Variants in SLC30A9 observed in about 807,000 individuals in gnomAD.
SLC30A9 encodes proton-coupled zinc antiporter SLC30A9, mitochondrial.
Under a neutral mutation model 87.5 loss-of-function variants are expected in SLC30A9, and 58 were observed. The observed-to-expected ratio is 0.66, with a 90% CI of 0.54 to 0.82. The LOEUF is 0.82. Among genes scored for constraint, SLC30A9 ranks in the 40% least tolerant of loss-of-function variants. The pLI is 0.00. For missense variants in SLC30A9, 557 were observed against 679.1 expected (o/e 0.82, Z 2.00); for synonymous variants, 234 against 233.0 (o/e 1.00, Z -0.04).
chr4:42,041,719 A>G (rs890203731), intron 8 of SLC30A9, among the ~76,000 whole-genome samples: 1 of 152,188 alleles, frequency 6.6e-6, no homozygotes, highest in African/African-American at 2.4e-5. Flanking sequence ...GTGGGCAAGA[A>G]CAAGACCCTG....
intron 17 of SLC30A9, among the ~76,000 whole-genome samples, chr4:42,079,896 G>T (rs546825154): frequency 6.6e-6 from 1 of 152,168 alleles, no homozygotes; most frequent in Non-Finnish European, 1.5e-5. Context: ...GATTACAAGC[G>T]TGAGCCACCA....
rs542861235 is a variant in SLC30A9, at chr4:42,039,905, A to G, written c.737+852A>G. 5.3e-5 allele frequency among the ~76,000 whole-genome samples: 4 copies of G among 75,840 alleles called. No homozygotes were observed. In the East Asian group the frequency reaches 0.011, roughly 202 times the overall value. 49.8% of individuals were successfully genotyped at this position (75,840 alleles called of 152,430 possible). A position where few individuals can be genotyped will look rare whatever the true frequency, so the allele number is the denominator to read the frequency against. ...TTATTCTTAAATATATATATGTAAA[A>G]TATGTATCAGTGTGATAGGATATGA... is the stretch of plus-strand genomic sequence containing the variant. On this transcript the variant is annotated intron_variant, in intron 8 of 17. Coordinates refer to ENST00000264451, the MANE Select transcript of SLC30A9 (RefSeq NM_006345.4).
intron 15 of SLC30A9, among the ~76,000 whole-genome samples, chr4:42,075,365 C>T (rs1308820810): frequency 2.0e-5 from 3 of 151,656 alleles, no homozygotes; most frequent in South Asian, 4.2e-4. Context: ...TGAGCCACTG[C>T]GCCCAGCAGA....
At position 42,080,913 on chromosome 4, in the gene SLC30A9, C is replaced by G. The variant is rs146919044; in HGVS notation, c.1662+2588C>G. 9.1e-3 allele frequency among the ~76,000 whole-genome samples: 1,380 copies of G among 152,276 alleles called. 9 individuals carry two copies. The highest frequency in any genetic ancestry group is 0.017 in the Middle Eastern group (5 of 294). On this transcript the variant is annotated intron_variant, in intron 17 of 17. Coordinates refer to ENST00000264451, the MANE Select transcript of SLC30A9 (RefSeq NM_006345.4). ...TACTGGTTCACAGAAGTACTTAGAT[C>G]TTTCAGATGTTGATACATTTCTAAA... is the stretch of plus-strand genomic sequence containing the variant.
chr4:42,055,530 G>T (rs775249439), intron 9 of SLC30A9, among the ~76,000 whole-genome samples: 2 of 152,160 alleles, frequency 1.3e-5, no homozygotes, highest in African/African-American at 2.4e-5. Context: ...GGGACTACAG[G>T]CGCCCGCCAC....
intron 2 of SLC30A9, among the ~76,000 whole-genome samples, chr4:42,004,396 C>G (rs1162116470): frequency 6.6e-6 from 1 of 152,112 alleles, no homozygotes; most frequent in Non-Finnish European, 1.5e-5. Flanking sequence ...CTCTTATTAT[C>G]CCTTCATATA....
chr4:42,032,213 C>A (rs1406490879), intron 6 of SLC30A9, among the ~76,000 whole-genome samples: 2 of 151,562 alleles, frequency 1.3e-5, no homozygotes, highest in African/African-American at 2.4e-5. Flanking sequence ...CCCAGTTACC[C>A]CCCCACCAGG....
chr4:42,037,961 G>A (rs373396017), intron 7 of SLC30A9, among the ~76,000 whole-genome samples: 28 of 151,986 alleles, frequency 1.8e-4, no homozygotes, highest in East Asian at 1.4e-3. Context: ...TAGTAGAGAC[G>A]GGGTTTTACC....
At chr4:42,069,175 A>G (rs1317715406) in intron 14 of SLC30A9, among the ~76,000 whole-genome samples, 1 of 152,212 alleles carries the variant, frequency 6.6e-6, no homozygotes, top group Non-Finnish European at 1.5e-5. Flanking sequence ...GCTTAAGAAA[A>G]GTGTGACTTG....
At chr4:42,058,100 CAAAAAAAA>C (rs35993518) in intron 9 of SLC30A9, among the ~76,000 whole-genome samples, 1 of 109,754 alleles carries the variant, frequency 9.1e-6, no homozygotes, top group African/African-American at 3.6e-5. Flanking sequence ...GACTTTGTCT[CAAAAAAAA>C]AAAAAAAAAA....
At chr4:41,990,917 C>T (rs1481811189) in intron 1 of SLC30A9, among the ~76,000 whole-genome samples, 157 bp downstream of exon 1, 1 of 152,262 alleles carries the variant, frequency 6.6e-6, no homozygotes, top group African/African-American at 2.4e-5. Flanking sequence ...CTGCGCAGCC[C>T]GCGGGGGTCC....
chr4:41,992,860 A>T (rs1353439287), intron 1 of SLC30A9, among the ~76,000 whole-genome samples: 1 of 152,174 alleles, frequency 6.6e-6, no homozygotes, highest in Admixed American at 6.5e-5. Context: ...AGACTATTTG[A>T]AGAACTTTTG....
intron 2 of SLC30A9, among the ~76,000 whole-genome samples, chr4:42,007,168 C>CTTAA (rs1208835821): frequency 1.3e-5 from 2 of 151,600 alleles, no homozygotes; most frequent in Admixed American, 6.6e-5. Context: ...AGTAGATGAC[C>CTTAA]TTAAGAGATC....
intron 5 of SLC30A9, 110 bp downstream of exon 5, chr4:42,023,040 T>G: frequency 1.6e-6 from 1 of 612,326 alleles, no homozygotes; most frequent in Non-Finnish European, 2.8e-6. Flanking sequence ...AAACAATATT[T>G]TTGTATTTGC....
At chr4:42,055,603 TTTC>T (rs1257575823) in intron 9 of SLC30A9, among the ~76,000 whole-genome samples, 1 of 152,178 alleles carries the variant, frequency 6.6e-6, no homozygotes. Context: ...AGCCTTACAA[TTTC>T]TGTTACAGTT....
chr4:41,994,250 A>C (rs1714593206), intron 1 of SLC30A9, among the ~76,000 whole-genome samples: 1 of 152,178 alleles, frequency 6.6e-6, no homozygotes, highest in Non-Finnish European at 1.5e-5. Context: ...CAGTGAAAAT[A>C]TATACTGTGA....
intron 1 of SLC30A9, among the ~76,000 whole-genome samples, chr4:41,992,312 G>T (rs1290202593): frequency 1.3e-5 from 2 of 151,258 alleles, no homozygotes; most frequent in Non-Finnish European, 2.9e-5. Context: ...GTGCACTCCA[G>T]CCTGGGTGAC....
intron 8 of SLC30A9, among the ~76,000 whole-genome samples, chr4:42,044,744 C>T (rs1197089415): frequency 6.6e-6 from 1 of 152,170 alleles, no homozygotes; most frequent in Non-Finnish European, 1.5e-5. Flanking sequence ...CTCTCAACCC[C>T]AAGTCAACAG....
intron 8 of SLC30A9, among the ~76,000 whole-genome samples, chr4:42,042,582 C>T (rs768792126): frequency 6.6e-6 from 1 of 152,172 alleles, no homozygotes; most frequent in Non-Finnish European, 1.5e-5. Flanking sequence ...CGGTCAGGGG[C>T]TTATAGATAA....
Sources: allele counts gnomAD v4.1 joint callset (sites outside exome capture counted in the v4.1 genomes callset), GRCh38; gene constraint gnomAD v4.1.1; transcripts MANE v1.5; gene names NCBI Gene and HGNC (gene_info 2026-07-23, HGNC 2026-07-21).